DNAJC13: variants seen among roughly 807,000 people sequenced by gnomAD.
DNAJC13 encodes the protein DnaJ heat shock protein family (Hsp40) member C13.
Under a neutral mutation model 290.5 loss-of-function variants are expected in DNAJC13, and 75 were observed. The ratio of observed to expected loss-of-function variants is 0.26; its 90% CI spans 0.21 to 0.31. The LOEUF is 0.31. Among genes scored for constraint, DNAJC13 ranks in the 10% least tolerant of loss-of-function variants. The pLI is 1.00. For synonymous variants in DNAJC13, 862 were observed against 892.0 expected (o/e 0.97, Z 0.60); for missense variants, 2,260 against 2,674.5 (o/e 0.85, Z 3.42).
At chr3:132,483,607 A>G in intron 28 of DNAJC13, 30 bp downstream of exon 28, 1 of 1,590,656 alleles carries the variant, frequency 6.3e-7, no homozygotes. Flanking sequence ...TTCCATGGTT[A>G]ATTGATATGC....
chr3:132,427,074 TA>T, intron 1 of DNAJC13, among the ~76,000 whole-genome samples: 1 of 112,890 alleles, frequency 8.9e-6, no homozygotes, highest in Non-Finnish European at 1.8e-5. Context: ...TATATATACA[TA>T]TGTGTGTGTG....
chr3:132,464,516 C>T (rs887059344), intron 17 of DNAJC13, among the ~76,000 whole-genome samples: 3 of 152,058 alleles, frequency 2.0e-5, no homozygotes, highest in Admixed American at 2.0e-4. Context: ...GCATAAGTTG[C>T]TGAGTTAAAC....
chr3:132,483,218 G>T (rs2107698409), intron 27 of DNAJC13, among the ~76,000 whole-genome samples, 157 bp from the exon 28 acceptor site: 1 of 152,026 alleles, frequency 6.6e-6, no homozygotes, highest in Admixed American at 6.5e-5. Context: ...ACCAAATTTG[G>T]GTTCCTAAAG....
chr3:132,471,673 C>A (rs1167958233), intron 20 of DNAJC13, among the ~76,000 whole-genome samples: 5 of 124,746 alleles, frequency 4.0e-5, no homozygotes, highest in Non-Finnish European at 6.9e-5. Flanking sequence ...ACGCTCCTCA[C>A]TTCCTAGATG....
At position 132,491,029 on chromosome 3, in the gene DNAJC13, G is replaced by A; in HGVS notation, c.3601G>A (p.Ala1201Thr). 6.2e-7 allele frequency: 1 copy of A among 1,606,282 alleles called. No homozygotes were observed. The highest frequency in any genetic ancestry group is 8.5e-7 in the Non-Finnish European group (1 of 1,177,728). Reference protein sequence around the residue: ...IFLGEFDTPEAIWSSEMRRLM... With the variant: ...IFLGEFDTPETIWSSEMRRLM... Reference sequence around the variant, plus strand: ...TCTAGGAGAATTTGATACTCCAGAAGCAATCTGGAGCAGTGAAATGAGGTA... The same window carrying A: ...TCTAGGAGAATTTGATACTCCAGAAACAATCTGGAGCAGTGAAATGAGGTA... The change falls in exon 32 of 56, where the codon GCA becomes ACA. Residue 1201 changes from alanine (A) to threonine (T), a missense_variant. Ala to Thr is a moderately conservative substitution (Grantham distance 58). Coordinates refer to ENST00000260818, the MANE Select transcript of DNAJC13 (RefSeq NM_015268.4).
Position 132,522,885 on chromosome 3 carries a change from A to T in DNAJC13, c.5731A>T (p.Asn1911Tyr). The change falls in exon 49 of 56, where the codon AAT becomes TAT. Residue 1911 changes from asparagine to tyrosine, a missense_variant. This residue lies in a region of DNAJC13 where 1,494 missense variants were observed against 1,693.7 expected (regional missense o/e 0.88). Transcript: ENST00000260818. ...PSVFMDAMRD[N>Y]PEAAVHIFEG... ...CGTTTTCATGGATGCTATGAGAGAC[A>T]ATCCTGAAGCTGCTGTACATATTTT... 6.2e-7 allele frequency: 1 copy of T among 1,613,564 alleles called. No individual in the cohort carries two copies.
At position 132,502,336 on chromosome 3, in the gene DNAJC13, T is replaced by C; in HGVS notation, c.4584T>C (p.Phe1528=). 1 of 1,613,976 alleles carries C rather than the reference T, an allele frequency of 6.2e-7. No homozygotes were observed. ...TTGGGGTAGAATGTGTCAGTTCTTTTGCTGTGGATTTCTGGCTACAGACAC... is the reference window on the plus strand; with the variant it reads ...TTGGGGTAGAATGTGTCAGTTCTTTCGCTGTGGATTTCTGGCTACAGACAC... ...AALGVECVSS[F]AVDFWLQTHL... Residue 1528 remains phenylalanine (F), a synonymous_variant, in exon 40 of 56, where the codon TTT becomes TTC. Coordinates refer to ENST00000260818, the MANE Select transcript of DNAJC13 (RefSeq NM_015268.4).
In DNAJC13 at chr3:132,466,404, A is replaced by G; in HGVS notation, c.2064+10A>G. 1 of 1,580,454 alleles carries G rather than the reference A, an allele frequency of 6.3e-7. No homozygotes were observed. The highest frequency in any genetic ancestry group is 8.6e-7 in the Non-Finnish European group (1 of 1,168,348). On this transcript the variant is annotated intron_variant, in intron 19 of 55. Transcript: ENST00000260818. ...TGTGAAAATAGCAATGGTAAATATGACTGTCCCAAGTGTGCCTTTTTTAGG... is the reference window on the plus strand; with the variant it reads ...TGTGAAAATAGCAATGGTAAATATGGCTGTCCCAAGTGTGCCTTTTTTAGG...
chr3:132,434,188 C>T (rs564927440), intron 1 of DNAJC13, among the ~76,000 whole-genome samples: 1 of 147,244 alleles, frequency 6.8e-6, no homozygotes, highest in African/African-American at 2.5e-5. Flanking sequence ...CCAGCCTGGG[C>T]GACAGTGCGA....
At chr3:132,478,825 A>G (rs1041021627) in intron 24 of DNAJC13, among the ~76,000 whole-genome samples, 2 of 152,188 alleles carry the variant, frequency 1.3e-5, no homozygotes, top group African/African-American at 4.8e-5. Context: ...TAATCAATTC[A>G]TCATGCAGCT....
chr3:132,485,545 A>G (rs191696356), intron 29 of DNAJC13, among the ~76,000 whole-genome samples: 11 of 152,276 alleles, frequency 7.2e-5, no homozygotes, highest in Admixed American at 3.3e-4. Context: ...TTTATTACCT[A>G]TTTTTAAAAT....
In DNAJC13 at chr3:132,483,386, G is replaced by A; in HGVS notation, c.2991G>A (p.Leu997=). ...GPYGFHEMQE[L]WTKGMLNAKT... ...CTTCCATCCATTAGATGCAAGAATTGTGGACCAAAGGAATGTTAAATGCAA... is the reference window on the plus strand; with the variant it reads ...CTTCCATCCATTAGATGCAAGAATTATGGACCAAAGGAATGTTAAATGCAA... The change falls in exon 28 of 56, where the codon TTG becomes TTA. Residue 997 remains leucine, a synonymous_variant. Coordinates refer to ENST00000260818, the MANE Select transcript of DNAJC13 (RefSeq NM_015268.4). 19 of 1,614,002 alleles carry A rather than the reference G, an allele frequency of 1.2e-5. No homozygotes were observed. Among genetic ancestry groups the A allele is most frequent in the Non-Finnish European group, 1.6e-5 (19 of 1,179,952 alleles).
In DNAJC13 at chr3:132,495,125, C is replaced by G; in HGVS notation, c.3979C>G (p.Leu1327Val). ...ESKIRKAYFRLAQKYHPDKNP... is the reference protein window; with the variant it reads ...ESKIRKAYFRVAQKYHPDKNP... ...CAAGATTAGGAAAGCTTACTTCAGA[C>G]TTGCACAAAAGTACCACCCTGATAA... The change falls in exon 35 of 56, where the codon CTT becomes GTT. Residue 1327 changes from leucine (L) to valine (V), a missense_variant. Leu to Val is a conservative substitution (Grantham distance 32). Around this residue, in one of 3 missense-constraint regions of DNAJC13, gnomAD observed 1,494 missense variants for 1,693.7 expected, o/e 0.88. Transcript: ENST00000260818. The G allele has an allele frequency of 6.2e-7, 1 of 1,613,542 alleles. No individual in the cohort carries two copies. The highest frequency in any genetic ancestry group is 1.3e-5 in the African/African-American group (1 of 75,040).
intron 26 of DNAJC13, among the ~76,000 whole-genome samples, chr3:132,481,163 A>G (rs1052343301): frequency 5.3e-5 from 8 of 152,246 alleles, no homozygotes; most frequent in African/African-American, 1.9e-4. Flanking sequence ...TGGCAGAGCT[A>G]GAGTTAAGAC....
At chr3:132,486,462 C>T (rs1179030264) in intron 29 of DNAJC13, among the ~76,000 whole-genome samples, 1 of 151,992 alleles carries the variant, frequency 6.6e-6, no homozygotes, top group African/African-American at 2.4e-5. Context: ...GAAATGTGCT[C>T]AGCATAACAT....
At chr3:132,523,797 A>G in intron 51 of DNAJC13, 84 bp downstream of exon 51, 1 of 1,368,650 alleles carries the variant, frequency 7.3e-7, no homozygotes, top group Non-Finnish European at 9.9e-7. Flanking sequence ...ATTCACAAAG[A>G]CCATGAATTA....
rs1056418623 is a variant in DNAJC13 at position 132,488,426 on chromosome 3, A to G, written c.3396A>G (p.Thr1132=). 2 of 1,612,276 alleles carry G rather than the reference A, an allele frequency of 1.2e-6. No homozygotes were observed. Among genetic ancestry groups the G allele is most frequent in the African/African-American group, 1.3e-5 (1 of 75,006 alleles). Residue 1132 remains threonine (T), a synonymous_variant, in exon 30 of 56, where the codon ACA becomes ACG. Coordinates refer to ENST00000260818, the MANE Select transcript of DNAJC13 (RefSeq NM_015268.4). ...SGVFFFIMMY[T]GSNVLPVARF... ...TATTTTTCTTTATCATGATGTACAC[A>G]GGTTCCAATGTGCTTCCTGTTGCTC...
intron 28 of DNAJC13, 101 bp downstream of exon 28, chr3:132,483,678 C>A: frequency 2.5e-6 from 3 of 1,182,934 alleles, no homozygotes; most frequent in Admixed American, 1.9e-5. Flanking sequence ...CTATTTATGG[C>A]CTTGGAGGAA....
intron 2 of DNAJC13, among the ~76,000 whole-genome samples, chr3:132,435,418 G>A (rs1482757865): frequency 6.6e-6 from 1 of 152,190 alleles, no homozygotes; most frequent in East Asian, 1.9e-4. Context: ...AAGCCAGTAA[G>A]TGTTTCTTCT....
Sources: allele counts gnomAD v4.1 joint callset (sites outside exome capture counted in the v4.1 genomes callset), GRCh38; gene constraint gnomAD v4.1.1; regional missense constraint gnomAD v4.1.1; transcripts MANE v1.5; gene names NCBI Gene and HGNC (gene_info 2026-07-23, HGNC 2026-07-21).